The following NOD1 variants were observed in gnomAD, a reference collection of about 807,000 sequenced individuals.
The protein encoded by NOD1 is nucleotide binding oligomerization domain containing 1, also known as nucleotide-binding oligomerization domain-containing protein 1.
NOD1 carries 70 observed loss-of-function variants against 81.2 expected under a neutral mutation model. The observed-to-expected ratio is 0.86, with a 90% CI of 0.71 to 1.05. NOD1 has a LOEUF of 1.05. Ranked by LOEUF, NOD1 falls within the 50% of genes least tolerant of loss-of-function variation. NOD1 has a pLI of 0.00. For synonymous variants in NOD1, 508 were observed against 526.9 expected (o/e 0.96, Z 0.49); for missense variants, 1,233 against 1,228.0 (o/e 1.00, Z -0.06).
Position 30,454,985 on chromosome 7 carries a change from T to G in NOD1, c.376+152A>C, listed in dbSNP as rs1464121891. 9.6e-6 allele frequency: 7 copies of G among 732,464 alleles called. No individual in the cohort carries two copies. The East Asian group carries it at 1.8e-4, about 19-fold the overall frequency. The allele number at this position is 732,464 out of a possible 1,614,324, so 45.4% of individuals were successfully genotyped here. A position where few individuals can be genotyped will look rare whatever the true frequency, so the allele number is the denominator to read the frequency against. On this transcript the variant is annotated intron_variant, in intron 5 of 13. Transcript: ENST00000222823. ...CAATCGCAGCCACCTGGGCTGCACT[T>G]GGGAGACAGGATTCAGCTGTTCCTT...
intron 3 of NOD1, 137 bp from the exon 4 acceptor site, chr7:30,457,179 G>A: frequency 2.1e-6 from 1 of 487,114 alleles, no homozygotes; most frequent in Non-Finnish European, 3.8e-6. Flanking sequence ...AGGCAAGTTG[G>A]CTCATGACTG....
At chr7:30,460,362 G>C (rs1260606592) in intron 1 of NOD1, 1 of 985,306 alleles carries the variant, frequency 1.0e-6, no homozygotes, top group East Asian at 1.1e-4. Context: ...TTGGTAAAGG[G>C]TGGGTCCAGT....
In NOD1 at chr7:30,463,049, A is replaced by T. The variant is rs141355375; in HGVS notation, c.-351-3008T>A. 3.3e-5 allele frequency among the ~76,000 whole-genome samples: 5 copies of T among 151,096 alleles called. No individual in the cohort carries two copies. The East Asian group carries it at 9.7e-4, about 29-fold the overall frequency. On this transcript the variant is annotated intron_variant, in intron 1 of 13. Transcript: ENST00000222823. ...GGCAGGGGGCAGATGGGAGTGGGGG[A>T]GAAATTGACTGCAAAGAGGAATAAG...
At chr7:30,461,259 C>G (rs1448237068) in intron 1 of NOD1, among the ~76,000 whole-genome samples, 2 of 152,048 alleles carry the variant, frequency 1.3e-5, no homozygotes, top group Non-Finnish European at 2.9e-5. Flanking sequence ...CTCACTGCAG[C>G]CTCCGCCTCC....
intron 1 of NOD1, among the ~76,000 whole-genome samples, chr7:30,473,230 T>G (rs1411160185): frequency 1.3e-5 from 2 of 152,170 alleles, no homozygotes; most frequent in East Asian, 3.8e-4. Flanking sequence ...CAGGGAAGAT[T>G]GCCAGAACTC....
Position 30,455,119 on chromosome 7 carries a change from G to A in NOD1, c.376+18C>T, listed in dbSNP as rs1229911429. On this transcript the variant is annotated intron_variant, in intron 5 of 13. Coordinates refer to ENST00000222823, the MANE Select transcript of NOD1 (RefSeq NM_006092.4). Reference sequence around the variant, plus strand: ...TGCTTGCACTGGTGCCTGCGGTCTTGCTGGGGCTGACTCCTACCTGGGTCA... The same window carrying A: ...TGCTTGCACTGGTGCCTGCGGTCTTACTGGGGCTGACTCCTACCTGGGTCA... 1 of 1,611,260 alleles carries A rather than the reference G, an allele frequency of 6.2e-7. No homozygotes were observed. Among genetic ancestry groups the A allele is most frequent in the Non-Finnish European group, 8.5e-7 (1 of 1,178,338 alleles).
In NOD1 at chr7:30,451,698, C is replaced by T. The variant is rs531855528; in HGVS notation, c.1719G>A (p.Pro573=). The part of the protein sequence containing the change: ...LPFQCLQGSG[P]AREDLFKNKD... ...TGTTCTTGAAGAGGTCTTCCCGCGC[C>T]GGACCACTGCCCTGCAGGCACTGGA... is the stretch of plus-strand genomic sequence containing the variant. Residue 573 remains proline, a synonymous_variant, in exon 6 of 14, where the codon CCG becomes CCA. Transcript: ENST00000222823. This position sits in a 1 kb window ranked among gnomAD's most constrained non-coding sequence, Gnocchi z 4.2. 41 of 1,613,872 alleles carry T rather than the reference C, an allele frequency of 2.5e-5. No individual in the cohort carries two copies. The highest frequency in any genetic ancestry group is 8.9e-5 in the East Asian group (4 of 44,866).
At chr7:30,476,400 AG>A (rs1302988474) in intron 1 of NOD1, among the ~76,000 whole-genome samples, 2 of 152,240 alleles carry the variant, frequency 1.3e-5, no homozygotes, top group African/African-American at 4.8e-5. Flanking sequence ...GTAAAGTTCC[AG>A]CTGGGACGCA....
chr7:30,449,429 A>C (rs898958676), intron 6 of NOD1, among the ~76,000 whole-genome samples: 1 of 152,220 alleles, frequency 6.6e-6, no homozygotes, highest in African/African-American at 2.4e-5. Flanking sequence ...TCTAAGCAGC[A>C]ATATAATTAG....
intron 11 of NOD1, 55 bp downstream of exon 11, chr7:30,435,943 G>A: frequency 6.9e-7 from 1 of 1,448,152 alleles, no homozygotes; most frequent in African/African-American, 1.4e-5. Flanking sequence ...GGACGACAAA[G>A]CAAGACCCTA....
At chr7:30,430,981 T>C (rs1012197573) in intron 12 of NOD1, among the ~76,000 whole-genome samples, 1 of 152,222 alleles carries the variant, frequency 6.6e-6, no homozygotes, top group Non-Finnish European at 1.5e-5. Context: ...TGCTGTTTTC[T>C]AGTCACCACT....
Position 30,451,682 on chromosome 7 carries a change from A to C in NOD1, c.1735T>G (p.Phe579Val). ...AACTGGAAGTGATCCTTGTTCTTGA[A>C]GAGGTCTTCCCGCGCCGGACCACTG... ...QGSGPAREDL[F>V]KNKDHFQFTN... The change falls in exon 6 of 14, where the codon TTC (phenylalanine) becomes GTC (valine). Residue 579 changes from phenylalanine (F) to valine (V), a missense_variant. By Grantham distance (50) the Phe-to-Val change is conservative. Transcript: ENST00000222823. This position sits in a 1 kb window ranked among gnomAD's most constrained non-coding sequence, Gnocchi z 4.2. 1 of 1,613,912 alleles carries C rather than the reference A, an allele frequency of 6.2e-7. No homozygotes were observed. The highest frequency in any genetic ancestry group is 8.5e-7 in the Non-Finnish European group (1 of 1,180,026).
chr7:30,430,902 C>T (rs577570363), intron 12 of NOD1, among the ~76,000 whole-genome samples: 2 of 152,368 alleles, frequency 1.3e-5, no homozygotes, highest in East Asian at 3.9e-4. Context: ...GAGGTAATGA[C>T]CTTCCCTTTC....
Position 30,451,318 on chromosome 7 carries a change from T to G in NOD1, c.2099A>C (p.His700Pro), listed in dbSNP as rs1276366528. 11 of 1,614,076 alleles carry G rather than the reference T, an allele frequency of 6.8e-6. No homozygotes were observed. The highest frequency in any genetic ancestry group is 6.7e-5 in the African/African-American group (5 of 74,942). ...TAGGGCCAGCCGCTTGGGGAAGTGA[T>G]GCAGGACGAAGGAGAGGGCGCTGCA... is the stretch of plus-strand genomic sequence containing the variant. ...ADCSALSFVL[H>P]HFPKRLALDL... Residue 700 changes from histidine to proline, a missense_variant, in exon 6 of 14, where the codon CAT becomes CCT. Transcript: ENST00000222823. The surrounding 1 kb of genome is among the most constrained non-coding windows in gnomAD (Gnocchi z 4.2).
chr7:30,452,258 G>C lies in NOD1; in HGVS notation c.1159C>G (p.Leu387Val), dbSNP rs1381620965. The C allele has an allele frequency of 5.6e-6, 9 of 1,613,680 alleles. No individual in the cohort carries two copies. The highest frequency in any genetic ancestry group is 1.3e-5 in the African/African-American group (1 of 75,062). The change falls in exon 6 of 14, where the codon CTG becomes GTG. Residue 387 changes from leucine (L) to valine (V), a missense_variant. By Grantham distance (32) the Leu-to-Val change is conservative (BLOSUM62 1). Transcript: ENST00000222823. ...CAGCAGAAGAGGGGCACAGAGCACA[G>C]GCTGCAGAGGTTGGGGTTGGCCTCC... ...QLEANPNLCS[L>V]CSVPLFCWII... is the part of the protein sequence containing the mutation.
intron 9 of NOD1, among the ~76,000 whole-genome samples, chr7:30,438,185 A>G (rs1394661804): frequency 6.6e-6 from 1 of 152,204 alleles, no homozygotes; most frequent in Non-Finnish European, 1.5e-5. Flanking sequence ...AGAGGACGTT[A>G]CCCAACCAAG....
rs2072575525 is a variant in NOD1 at position 30,448,342 on chromosome 7, C to A, written c.2241G>T (p.Val747=). 6.2e-7 allele frequency: 1 copy of A among 1,614,232 alleles called. No homozygotes were observed. Residue 747 remains valine (V), a synonymous_variant, in exon 7 of 14, where the codon GTG becomes GTT. Transcript: ENST00000222823. ...VNQITDGGVK[V]LSEELTKYKI... is the part of the protein sequence containing the mutation. ...TGTATTTGGTCAGCTCTTCGCTTAG[C>A]ACCTTTACCCCACCGTCAGTGATCT... is the stretch of plus-strand genomic sequence containing the variant.
At chr7:30,446,903 T>G (rs930249098) in intron 8 of NOD1, 64 bp downstream of exon 8, 2 of 1,306,784 alleles carry the variant, frequency 1.5e-6, no homozygotes, top group Non-Finnish European at 2.2e-6. Context: ...ACATTTAATC[T>G]TTGAACAACA....
chr7:30,453,616 C>T (rs575631275), intron 5 of NOD1, among the ~76,000 whole-genome samples: 23 of 152,272 alleles, frequency 1.5e-4, no homozygotes, highest in African/African-American at 5.3e-4. Flanking sequence ...GACGGGGTCT[C>T]GCCATGTTGC....
Sources: gnomAD v4.1 joint callset for allele counts (sites outside exome capture counted in the v4.1 genomes callset) on GRCh38, gnomAD v4.1.1 for gene constraint, Gnocchi (gnomAD v3.1) non-coding constraint, MANE v1.5 for transcripts, NCBI Gene and HGNC (gene_info 2026-07-23, HGNC 2026-07-21) for gene names.